Variants in MYO3B observed in about 807,000 individuals in gnomAD.
The protein encoded by MYO3B is myosin IIIB, also known as myosin-IIIb.
A neutral mutation model predicts 174.6 loss-of-function variants in MYO3B; 156 were observed. That is an observed-to-expected ratio of 0.89 (90% CI 0.78 to 1.02). The LOEUF (loss-of-function observed/expected upper bound fraction) is 1.02, where lower values mean the gene tolerates loss of function less well. Ranked by LOEUF, MYO3B falls within the 50% of genes least tolerant of loss-of-function variation. MYO3B has a pLI of 0.00. For synonymous variants in MYO3B, 563 were observed against 569.1 expected, an observed-to-expected ratio of 0.99 and a Z score of 0.15; for missense variants, 1,632 against 1,639.4, an observed-to-expected ratio of 1.00 and a Z score of 0.08.
At chr2:170,530,870 T>C (rs1436115299) in intron 30 of MYO3B, among the ~76,000 whole-genome samples, 1 of 152,206 alleles carries the variant, frequency 6.6e-6, no homozygotes, top group Non-Finnish European at 1.5e-5. Flanking sequence ...AGATTTAGTA[T>C]ATTAGCCTGC....
chr2:170,570,167 G>C (rs531387491), intron 32 of MYO3B, among the ~76,000 whole-genome samples: 10 of 152,298 alleles, frequency 6.6e-5, no homozygotes, highest in African/African-American at 2.4e-4. Context: ...ATCAGATTTA[G>C]ATCTTGTATG....
At chr2:170,602,196 G>A in intron 32 of MYO3B, 1 of 1,234,330 alleles carries the variant, frequency 8.1e-7, no homozygotes, top group Non-Finnish European at 1.2e-6. Context: ...ATGACATTTT[G>A]CCTCTCGGCT....
chr2:170,642,053 T>G (rs1365468613), intron 32 of MYO3B, among the ~76,000 whole-genome samples: 1 of 152,114 alleles, frequency 6.6e-6, no homozygotes, highest in Non-Finnish European at 1.5e-5. Context: ...TCCCCAGAGG[T>G]ATCCCAGGAT....
At chr2:170,211,016 A>C (rs553960015) in intron 3 of MYO3B, among the ~76,000 whole-genome samples, 2 of 152,332 alleles carry the variant, frequency 1.3e-5, no homozygotes, top group African/African-American at 4.8e-5. Context: ...CTAGGAAAAC[A>C]TGCAGCTTTT....
chr2:170,442,239 A>G (rs947818902), intron 22 of MYO3B, among the ~76,000 whole-genome samples: 1 of 152,160 alleles, frequency 6.6e-6, no homozygotes, highest in African/African-American at 2.4e-5. Flanking sequence ...TATTCCTATC[A>G]GCAATGAAGG....
intron 32 of MYO3B, among the ~76,000 whole-genome samples, chr2:170,632,885 A>C (rs1034054128): frequency 2.0e-5 from 3 of 152,098 alleles, no homozygotes; most frequent in Non-Finnish European, 4.4e-5. Flanking sequence ...AAAATCTAGA[A>C]GAAATGGATA....
At chr2:170,451,419 A>C (rs1166970755) in intron 23 of MYO3B, among the ~76,000 whole-genome samples, 1 of 152,256 alleles carries the variant, frequency 6.6e-6, no homozygotes, top group African/African-American at 2.4e-5. Flanking sequence ...CAGTTTTCAA[A>C]AGTCAAAGAA....
intron 32 of MYO3B, among the ~76,000 whole-genome samples, chr2:170,581,013 A>C (rs1340015913): frequency 6.6e-6 from 1 of 152,156 alleles, no homozygotes; most frequent in African/African-American, 2.4e-5. Flanking sequence ...TAGAAGCACA[A>C]GAAAATTTCT....
intron 6 of MYO3B, among the ~76,000 whole-genome samples, chr2:170,234,369 C>A (rs1306536612): frequency 6.6e-6 from 1 of 152,120 alleles, no homozygotes; most frequent in Non-Finnish European, 1.5e-5. Flanking sequence ...ACTATGTCCT[C>A]ACATGGCAGA....
rs183855856 is a variant in MYO3B at position 170,268,870 on chromosome 2, A to C, written c.749+32734A>C. On this transcript the variant is annotated intron_variant, in intron 7 of 34. Transcript: ENST00000408978. ...GAAATTAGCATTCCACAGAAGAAAA[A>C]TACAAATGGCCATTCAAAACATGAA... Among the ~76,000 whole-genome samples the C allele has an allele frequency of 1.4e-3, 213 of 152,354 alleles. 2 individuals carry two copies. The highest frequency in any genetic ancestry group is 4.5e-3 in the Admixed American group (69 of 15,294).
intron 22 of MYO3B, among the ~76,000 whole-genome samples, chr2:170,408,335 T>C (rs1422197724): frequency 6.6e-6 from 1 of 152,198 alleles, no homozygotes; most frequent in African/African-American, 2.4e-5. Context: ...TCCTAACCAA[T>C]TTGGAACAGG....
intron 7 of MYO3B, among the ~76,000 whole-genome samples, chr2:170,320,574 C>G (rs1359548196): frequency 6.6e-6 from 1 of 151,982 alleles, no homozygotes; most frequent in Admixed American, 6.6e-5. Context: ...AGAGATGCAT[C>G]CTCTAATTTC....
intron 30 of MYO3B, among the ~76,000 whole-genome samples, chr2:170,526,330 A>G (rs1688995547): frequency 6.6e-6 from 1 of 152,230 alleles, no homozygotes. Context: ...TCATGGTGAT[A>G]GAAGTAGCAG....
chr2:170,427,927 G>A (rs932296089), intron 22 of MYO3B, among the ~76,000 whole-genome samples: 3 of 152,244 alleles, frequency 2.0e-5, no homozygotes, highest in Non-Finnish European at 4.4e-5. Context: ...AAAATGGCTG[G>A]TACTTGCCAA....
chr2:170,244,545 G>A (rs1378733227), intron 7 of MYO3B, among the ~76,000 whole-genome samples: 1 of 152,146 alleles, frequency 6.6e-6, no homozygotes, highest in East Asian at 1.9e-4. Flanking sequence ...TTAGAATTCT[G>A]GAGAACAGAA....
Position 170,490,715 on chromosome 2 carries a change from T to A in MYO3B, c.3015-7877T>A, listed in dbSNP as rs141798059. 3.4e-3 allele frequency among the ~76,000 whole-genome samples: 522 copies of A among 152,280 alleles called. 2 individuals carry two copies. Among genetic ancestry groups the A allele is most frequent in the African/African-American group, 0.012 (502 of 41,570 alleles). ...TTAAAAGTCAAGATTCAGAAAGTTG[T>A]CTCCTAGTTTGAGGTTGTTGAATTA... On this transcript the variant is annotated intron_variant, in intron 25 of 34. Transcript: ENST00000408978.
intron 32 of MYO3B, among the ~76,000 whole-genome samples, chr2:170,563,441 A>G (rs1416342945): frequency 6.6e-6 from 1 of 152,210 alleles, no homozygotes; most frequent in Non-Finnish European, 1.5e-5. Flanking sequence ...GACACAGTCA[A>G]CACAAGACAA....
intron 30 of MYO3B, among the ~76,000 whole-genome samples, chr2:170,542,215 G>T (rs1690158932): frequency 6.6e-6 from 1 of 152,300 alleles, no homozygotes; most frequent in African/African-American, 2.4e-5. Context: ...AAGGCATTAT[G>T]AGTGGCTCCT....
intron 32 of MYO3B, among the ~76,000 whole-genome samples, chr2:170,576,558 G>A (rs1218407399): frequency 6.6e-6 from 1 of 152,216 alleles, no homozygotes; most frequent in Non-Finnish European, 1.5e-5. Context: ...GATTTGTGGA[G>A]TCCCATTCCA....
Sources: allele counts gnomAD v4.1 joint callset (sites outside exome capture counted in the v4.1 genomes callset), GRCh38; gene constraint gnomAD v4.1.1; transcripts MANE v1.5; gene names NCBI Gene and HGNC (gene_info 2026-07-23, HGNC 2026-07-21).